BICC1: variants seen among roughly 807,000 people sequenced by gnomAD.
BICC1 encodes BicC family RNA binding protein 1, also known as protein bicaudal C homolog 1.
Under a neutral mutation model 111.0 loss-of-function variants are expected in BICC1, and 43 were observed. The observed-to-expected ratio is 0.39, with a 90% CI of 0.30 to 0.50. BICC1 has a LOEUF of 0.50. BICC1 is among the 20% of genes least tolerant of loss of function. BICC1 has a pLI of 0.88. For synonymous variants in BICC1, 467 were observed against 434.4 expected (o/e 1.07, Z -0.93); for missense variants, 1,091 against 1,203.2 (o/e 0.91, Z 1.38).
intron 1 of BICC1, among the ~76,000 whole-genome samples, chr10:58,587,330 C>G (rs778268609): frequency 2.6e-5 from 4 of 152,118 alleles, no homozygotes; most frequent in African/African-American, 4.8e-5. Flanking sequence ...ATTGAATTTT[C>G]TCCAGCACTA....
At chr10:58,817,410 A>T (rs1440283893) in intron 18 of BICC1, 152 bp from the exon 19 acceptor site, 6 of 816,936 alleles carry the variant, frequency 7.3e-6, no homozygotes, top group African/African-American at 1.7e-5. Flanking sequence ...TGGAAAGCCA[A>T]TATTTCAGTA....
At chr10:58,755,975 C>T (rs905195586) in intron 3 of BICC1, among the ~76,000 whole-genome samples, 65 of 152,112 alleles carry the variant, frequency 4.3e-4, no homozygotes, top group African/African-American at 1.5e-3. Context: ...CTGTTTTCAC[C>T]CATCTTTGCT....
intron 2 of BICC1, among the ~76,000 whole-genome samples, chr10:58,683,211 C>G (rs144226746): frequency 0.014 from 2,061 of 152,246 alleles, 47 homozygotes; most frequent in African/African-American, 0.045. Context: ...GGTATTATTT[C>G]TGAGGGTTCT....
At chr10:58,657,049 T>C (rs895131506) in intron 2 of BICC1, among the ~76,000 whole-genome samples, 4 of 152,134 alleles carry the variant, frequency 2.6e-5, no homozygotes, top group Non-Finnish European at 5.9e-5. Flanking sequence ...CCCATCTTTC[T>C]CCATTCCTCT....
At chr10:58,697,848 T>TC (rs1223258913) in intron 2 of BICC1, among the ~76,000 whole-genome samples, 1 of 150,880 alleles carries the variant, frequency 6.6e-6, no homozygotes, top group African/African-American at 2.4e-5. Context: ...GATGCAATAA[T>TC]CTAGCTCCAG....
At chr10:58,671,458 C>T (rs1433407752) in intron 2 of BICC1, among the ~76,000 whole-genome samples, 3 of 152,086 alleles carry the variant, frequency 2.0e-5, no homozygotes, top group Non-Finnish European at 4.4e-5. Flanking sequence ...AAGACATTGA[C>T]AAGCTGAATG....
intron 3 of BICC1, among the ~76,000 whole-genome samples, chr10:58,729,857 C>T (rs1427501363): frequency 6.6e-6 from 1 of 152,196 alleles, no homozygotes; most frequent in Non-Finnish European, 1.5e-5. Flanking sequence ...CCCAATGGTC[C>T]AGTTGCCTCC....
chr10:58,557,812 A>G (rs960141386), intron 1 of BICC1, among the ~76,000 whole-genome samples: 13 of 151,828 alleles, frequency 8.6e-5, no homozygotes, highest in African/African-American at 2.4e-4. Flanking sequence ...TAACAATTCT[A>G]TGTTGGTTTC....
At chr10:58,684,954 G>A (rs1839667049) in intron 2 of BICC1, among the ~76,000 whole-genome samples, 1 of 152,060 alleles carries the variant, frequency 6.6e-6, no homozygotes, top group Non-Finnish European at 1.5e-5. Flanking sequence ...TCTTTTAATT[G>A]TGATGTTAGG....
intron 3 of BICC1, among the ~76,000 whole-genome samples, chr10:58,777,505 C>T (rs1365795655): frequency 3.3e-5 from 5 of 152,104 alleles, no homozygotes; most frequent in Non-Finnish European, 5.9e-5. Context: ...TCACAGGCTC[C>T]ACCTTGGTAT....
At position 58,551,994 on chromosome 10, in the gene BICC1, T is replaced by TA. The variant is rs946399176; in HGVS notation, c.190+38662dup. ...GGGGATAGACTCTCCCTTCTTTTTT[T>TA]AGCTTTTTCTTTAATGAACATCAAG... On this transcript the variant is annotated intron_variant, in intron 1 of 20. Transcript: ENST00000373886. Among the ~76,000 whole-genome samples, 20 of 152,244 alleles carry TA rather than the reference T, an allele frequency of 1.3e-4. 1 individual carries two copies. The highest frequency in any genetic ancestry group is 4.8e-4 in the African/African-American group (20 of 41,530).
At chr10:58,533,785 GA>G (rs1467708795) in intron 1 of BICC1, among the ~76,000 whole-genome samples, 2 of 151,676 alleles carry the variant, frequency 1.3e-5, no homozygotes, top group Non-Finnish European at 2.9e-5. Flanking sequence ...AGATGCACCA[GA>G]AAAAATGAGA....
At chr10:58,644,997 AC>A (rs1040653994) in intron 2 of BICC1, among the ~76,000 whole-genome samples, 4 of 152,194 alleles carry the variant, frequency 2.6e-5, no homozygotes, top group Non-Finnish European at 5.9e-5. Context: ...CTGTGTCTAA[AC>A]AAAAAAAATT....
intron 2 of BICC1, among the ~76,000 whole-genome samples, chr10:58,661,137 G>C (rs769700921): frequency 1.3e-5 from 2 of 151,804 alleles, no homozygotes; most frequent in African/African-American, 4.8e-5. Flanking sequence ...ACCTGATGCT[G>C]TCAGGTTTTT....
intron 3 of BICC1, among the ~76,000 whole-genome samples, chr10:58,771,819 T>A (rs1842629228): frequency 6.6e-6 from 1 of 152,214 alleles, no homozygotes; most frequent in Non-Finnish European, 1.5e-5. Context: ...GCAATCTTAA[T>A]TCTGTGTAAT....
At chr10:58,719,692 T>C (rs770608181) in intron 3 of BICC1, among the ~76,000 whole-genome samples, 4 of 152,224 alleles carry the variant, frequency 2.6e-5, no homozygotes, top group Non-Finnish European at 4.4e-5. Context: ...GACCAGTATG[T>C]CTTATTCCTT....
chr10:58,609,670 A>G (rs1490157096), intron 1 of BICC1, among the ~76,000 whole-genome samples: 2 of 152,184 alleles, frequency 1.3e-5, no homozygotes, highest in Non-Finnish European at 2.9e-5. Flanking sequence ...ATTTTATACC[A>G]CAGCATATGT....
At chr10:58,531,510 A>G (rs989169292) in intron 1 of BICC1, among the ~76,000 whole-genome samples, 2 of 151,856 alleles carry the variant, frequency 1.3e-5, no homozygotes, top group Non-Finnish European at 2.9e-5. Flanking sequence ...AAAAATTACA[A>G]CAAAATATAA....
At chr10:58,689,895 T>C (rs929671274) in intron 2 of BICC1, among the ~76,000 whole-genome samples, 1 of 152,194 alleles carries the variant, frequency 6.6e-6, no homozygotes, top group African/African-American at 2.4e-5. Context: ...TTTTCAGTTT[T>C]AGAGCTCATT....
Sources: allele counts gnomAD v4.1 joint callset (sites outside exome capture counted in the v4.1 genomes callset), GRCh38; gene constraint gnomAD v4.1.1; transcripts MANE v1.5; gene names NCBI Gene and HGNC (gene_info 2026-07-23, HGNC 2026-07-21).